Variants in ARFGEF3 observed in about 807,000 individuals in gnomAD.
ARFGEF3 encodes the protein ARFGEF family member 3.
In ARFGEF3, 96 loss-of-function variants were observed where a neutral mutation model predicts 221.7. The ratio of observed to expected loss-of-function variants is 0.43; its 90% CI spans 0.37 to 0.51. ARFGEF3 has a LOEUF of 0.51. Among genes scored for constraint, ARFGEF3 ranks in the 20% least tolerant of loss-of-function variants. The pLI is 0.00. For synonymous variants in ARFGEF3, 1,145 were observed against 1,126.8 expected, an observed-to-expected ratio of 1.02 and a Z score of -0.32; for missense variants, 2,410 against 2,789.9, an observed-to-expected ratio of 0.86 and a Z score of 3.07.
chr6:138,286,449 C>CAA (rs960871572), intron 15 of ARFGEF3, among the ~76,000 whole-genome samples: 15 of 56,472 alleles, frequency 2.7e-4, no homozygotes, highest in African/African-American at 7.7e-4. Flanking sequence ...GACTCCGTCT[C>CAA]AAAAAAAAAA....
chr6:138,218,250 CA>C, intron 4 of ARFGEF3: 18 of 1,612,100 alleles, frequency 1.1e-5, no homozygotes, highest in Non-Finnish European at 1.4e-5. Context: ...TACCTTGTAG[CA>C]GAATGGTAAG....
In ARFGEF3 at chr6:138,162,023, C is replaced by T; in HGVS notation, c.-64C>T. 7.8e-7 allele frequency: 1 copy of T among 1,281,094 alleles called. No individual in the cohort carries two copies. Among genetic ancestry groups the T allele is most frequent in the Non-Finnish European group, 1.1e-6 (1 of 942,798 alleles). The allele number at this position is 1,281,094 out of a possible 1,614,324, so 79.4% of individuals were successfully genotyped here. Reference sequence around the variant, plus strand: ...GCCCAGGGCCAGGCAGCGGCGGCTTCCCCGGCCCGGCTCGCCCGCGCTTCT... The same window carrying T: ...GCCCAGGGCCAGGCAGCGGCGGCTTTCCCGGCCCGGCTCGCCCGCGCTTCT... On this transcript the variant is annotated 5_prime_UTR_variant, in exon 1 of 34. Transcript: ENST00000251691. This position sits in a 1 kb window ranked among gnomAD's most constrained non-coding sequence, Gnocchi z 4.7.
chr6:138,255,105 A>G (rs539353179), intron 9 of ARFGEF3, among the ~76,000 whole-genome samples: 1 of 152,344 alleles, frequency 6.6e-6, no homozygotes, highest in East Asian at 1.9e-4. Flanking sequence ...TTTGCAATTA[A>G]CTTCTCAAAT....
chr6:138,259,393 T>A (rs1466354651), intron 10 of ARFGEF3, among the ~76,000 whole-genome samples: 3 of 152,224 alleles, frequency 2.0e-5, no homozygotes, highest in Admixed American at 6.5e-5. Context: ...TGATTTCCCC[T>A]TAAAATGAAC....
At chr6:138,218,975 A>G (rs377739671) in intron 4 of ARFGEF3, among the ~76,000 whole-genome samples, 1 of 152,312 alleles carries the variant, frequency 6.6e-6, no homozygotes, top group East Asian at 1.9e-4. Context: ...AAGGAAATAT[A>G]TTTTTGTTGC....
At chr6:138,311,601 CGAGA>C in intron 25 of ARFGEF3, 91 bp downstream of exon 25, 1 of 818,558 alleles carries the variant, frequency 1.2e-6, no homozygotes, top group East Asian at 2.7e-5. Context: ...TGCTGAAGCC[CGAGA>C]GAGACACTTT....
In ARFGEF3 at chr6:138,170,710, T is replaced by C; in HGVS notation, c.134T>C (p.Leu45Pro). ...DTIVKIPPHVLREKCLLPLQL... is the reference protein window; with the variant it reads ...DTIVKIPPHVPREKCLLPLQL... ...ATTGTCAAGATCCCTCCACATGTAC[T>C]GAGGTAGGAGATGGACATTGTATAA... The change falls in exon 2 of 34, where the codon CTG becomes CCG. Residue 45 changes from leucine to proline, a missense_variant. This residue lies in a region of ARFGEF3 where 570 missense variants were observed against 586.9 expected (regional missense o/e 0.97). Transcript: ENST00000251691. 1 of 1,567,066 alleles carries C rather than the reference T, an allele frequency of 6.4e-7. No individual in the cohort carries two copies. Among genetic ancestry groups the C allele is most frequent in the Non-Finnish European group, 8.8e-7 (1 of 1,137,502 alleles).
chr6:138,339,083 G>A lies in ARFGEF3; in HGVS notation c.*2597G>A, dbSNP rs1461854142. The A allele has an allele frequency of 3.9e-5, 6 of 152,186 alleles. No individual in the cohort carries two copies. Among genetic ancestry groups the A allele is most frequent in the African/African-American group, 9.7e-5 (4 of 41,426 alleles). 9.4% of individuals were successfully genotyped at this position (152,186 alleles called of 1,614,324 possible). ...CTCAGTCCTAACATACTCTGCACTCGAGTTACCAGCCATCCACACTGACAT... is the reference window on the plus strand; with the variant it reads ...CTCAGTCCTAACATACTCTGCACTCAAGTTACCAGCCATCCACACTGACAT... On this transcript the variant is annotated 3_prime_UTR_variant, in exon 34 of 34. Coordinates refer to ENST00000251691, the MANE Select transcript of ARFGEF3 (RefSeq NM_020340.5).
Position 138,200,254 on chromosome 6 carries a change from A to G in ARFGEF3, c.138-6788A>G, listed in dbSNP as rs183228235. On this transcript the variant is annotated intron_variant, in intron 2 of 33. Coordinates refer to ENST00000251691, the MANE Select transcript of ARFGEF3 (RefSeq NM_020340.5). ...CTTGATCATGACCATGCTGCCAAAA[A>G]CAATCTATAAATTCAACACAATCCC... 7.9e-5 allele frequency among the ~76,000 whole-genome samples: 12 copies of G among 152,242 alleles called. No homozygotes were observed. The East Asian group carries it at 2.1e-3, about 27-fold the overall frequency.
chr6:138,311,330 T>C (rs1213692193), intron 24 of ARFGEF3, 77 bp from the exon 25 acceptor site: 7 of 824,212 alleles, frequency 8.5e-6, no homozygotes, highest in Non-Finnish European at 1.2e-5. Flanking sequence ...TAGTGCTATG[T>C]GAGTAAACAG....
intron 5 of ARFGEF3, among the ~76,000 whole-genome samples, chr6:138,237,995 A>T (rs1282339617): frequency 6.6e-6 from 1 of 152,212 alleles, no homozygotes; most frequent in South Asian, 2.1e-4. Context: ...TTTTGCCATA[A>T]GCCATGCTAC....
At chr6:138,288,843 A>G (rs1779346171) in intron 17 of ARFGEF3, among the ~76,000 whole-genome samples, 1 of 152,202 alleles carries the variant, frequency 6.6e-6, no homozygotes, top group Non-Finnish European at 1.5e-5. Context: ...ACCACATGCA[A>G]TGACTTGAAA....
At chr6:138,279,911 T>C (rs1464117814) in intron 13 of ARFGEF3, 88 bp from the exon 14 acceptor site, 1 of 1,333,420 alleles carries the variant, frequency 7.5e-7, no homozygotes. Flanking sequence ...TTCAGGGCTC[T>C]GTGACGTGAA....
chr6:138,209,086 T>C (rs916384384), intron 3 of ARFGEF3, among the ~76,000 whole-genome samples: 7 of 152,182 alleles, frequency 4.6e-5, no homozygotes, highest in Admixed American at 3.9e-4. Flanking sequence ...TAACAATGAA[T>C]GTCTTCTTGT....
chr6:138,227,883 G>A (rs1032188842), intron 4 of ARFGEF3, among the ~76,000 whole-genome samples: 1 of 152,172 alleles, frequency 6.6e-6, no homozygotes, highest in Non-Finnish European at 1.5e-5. Flanking sequence ...TCTAAGACTG[G>A]AAAGAAGCCA....
chr6:138,305,760 G>A (rs538338207), intron 22 of ARFGEF3, among the ~76,000 whole-genome samples: 1 of 152,124 alleles, frequency 6.6e-6, no homozygotes, highest in Admixed American at 6.6e-5. Context: ...TTAAAACCAC[G>A]CAATCATCTT....
Position 138,263,107 on chromosome 6 carries a change from C to T in ARFGEF3, c.1624C>T (p.Pro542Ser). ...GAACAGTCTCAAGTCGCCAGCCATCCCAGAGGGTAAGGAGACGCTGAGCAA... is the reference window on the plus strand; with the variant it reads ...GAACAGTCTCAAGTCGCCAGCCATCTCAGAGGGTAAGGAGACGCTGAGCAA... ...HKNSLKSPAIPEGKETLSKVL... is the reference protein window; with the variant it reads ...HKNSLKSPAISEGKETLSKVL... The change falls in exon 12 of 34, where the codon CCA becomes TCA. Residue 542 changes from proline to serine, a missense_variant. By Grantham distance (74) the Pro-to-Ser change is moderately conservative. Transcript: ENST00000251691. The T allele has an allele frequency of 1.2e-6, 2 of 1,613,912 alleles. No homozygotes were observed. Among genetic ancestry groups the T allele is most frequent in the Non-Finnish European group, 1.7e-6 (2 of 1,179,856 alleles).
At chr6:138,165,315 G>GTCATTTT (rs1776703133) in intron 1 of ARFGEF3, among the ~76,000 whole-genome samples, 1 of 149,772 alleles carries the variant, frequency 6.7e-6, no homozygotes, top group Admixed American at 6.6e-5. Flanking sequence ...AGAGAGAGGG[G>GTCATTTT]CATCCGACAC....
chr6:138,184,732 T>C (rs1777149383), intron 2 of ARFGEF3, among the ~76,000 whole-genome samples: 1 of 152,238 alleles, frequency 6.6e-6, no homozygotes, highest in African/African-American at 2.4e-5. Flanking sequence ...TCTATCAGTG[T>C]GTTCTGTTTC....
Sources: allele counts gnomAD v4.1 joint callset (sites outside exome capture counted in the v4.1 genomes callset), GRCh38; gene constraint gnomAD v4.1.1; regional missense constraint gnomAD v4.1.1; non-coding constraint Gnocchi (gnomAD v3.1); transcripts MANE v1.5; gene names NCBI Gene and HGNC (gene_info 2026-07-23, HGNC 2026-07-21).